Variants in SYT16 observed in about 807,000 individuals in gnomAD.
SYT16 encodes synaptotagmin-16.
A neutral mutation model predicts 61.4 loss-of-function variants in SYT16; 42 were observed. The ratio of observed to expected loss-of-function variants is 0.68; its 90% CI spans 0.53 to 0.89. The LOEUF is 0.89. Among genes scored for constraint, SYT16 ranks in the 40% least tolerant of loss-of-function variants. SYT16 has a pLI of 0.00. For synonymous variants in SYT16, 314 were observed against 302.3 expected (o/e 1.04, Z -0.40); for missense variants, 804 against 807.3 (o/e 1.00, Z 0.05).
At chr14:61,934,930 C>T (rs749417782) in intron 1 of SYT16, among the ~76,000 whole-genome samples, 4 of 152,124 alleles carry the variant, frequency 2.6e-5, no homozygotes, top group Non-Finnish European at 4.4e-5. Context: ...TTATCGTGAA[C>T]TCAGTACAGT....
intron 1 of SYT16, among the ~76,000 whole-genome samples, chr14:61,905,525 G>A (rs2048670235): frequency 6.6e-6 from 1 of 152,210 alleles, no homozygotes; most frequent in African/African-American, 2.4e-5. Context: ...GACCAGTGGA[G>A]TGTGGCTGGA....
Position 61,996,203 on chromosome 14 carries a change from A to G in SYT16, c.184A>G (p.Ile62Val), listed in dbSNP as rs1049986134. 8 of 1,613,476 alleles carry G rather than the reference A, an allele frequency of 5.0e-6. No individual in the cohort carries two copies. The African/African-American group carries it at 1.1e-4, about 22-fold the overall frequency. ...AGATCAGGACTTAGATAATATTCAG[A>G]TTCAGGAAACGTACTTTGAAGATGA... The part of the protein sequence containing the change: ...KLDQDLDNIQ[I>V]QETYFEDEEQ... The change falls in exon 3 of 8, where the codon ATT becomes GTT. Residue 62 changes from isoleucine to valine, a missense_variant. Transcript: ENST00000683842.
intron 1 of SYT16, among the ~76,000 whole-genome samples, chr14:61,815,610 A>C (rs1274462072): frequency 6.6e-6 from 1 of 152,222 alleles, no homozygotes; most frequent in Non-Finnish European, 1.5e-5. Flanking sequence ...CCAATAGAAA[A>C]TGTTCTTATA....
At chr14:61,819,789 G>A (rs112255090) in intron 1 of SYT16, among the ~76,000 whole-genome samples, 10 of 152,172 alleles carry the variant, frequency 6.6e-5, no homozygotes, top group Admixed American at 5.2e-4. Context: ...TGCCTGAGTC[G>A]TGAACTCTGG....
chr14:61,973,904 GAGA>G (rs1207117833), intron 2 of SYT16, among the ~76,000 whole-genome samples: 2 of 152,176 alleles, frequency 1.3e-5, no homozygotes, highest in African/African-American at 4.8e-5. Flanking sequence ...ACCAGACCCT[GAGA>G]AGGAGGACAG....
chr14:62,013,720 C>T (rs939356028), intron 3 of SYT16, among the ~76,000 whole-genome samples: 9 of 152,150 alleles, frequency 5.9e-5, no homozygotes, highest in East Asian at 1.9e-4. Flanking sequence ...AATCCCAGAA[C>T]GTTGGGAGAC....
At chr14:61,839,512 G>A (rs2140249810) in intron 1 of SYT16, among the ~76,000 whole-genome samples, 1 of 152,312 alleles carries the variant, frequency 6.6e-6, no homozygotes, top group Middle Eastern at 3.4e-3. Context: ...ACCTATATGA[G>A]ATGATATTTT....
chr14:61,817,050 G>T (rs896327866), intron 1 of SYT16, among the ~76,000 whole-genome samples: 1 of 149,602 alleles, frequency 6.7e-6, no homozygotes, highest in African/African-American at 2.5e-5. Flanking sequence ...TTTCCCCAAA[G>T]ATTATTTATT....
chr14:61,972,669 T>A (rs2051612432), intron 2 of SYT16, among the ~76,000 whole-genome samples: 1 of 152,242 alleles, frequency 6.6e-6, no homozygotes, highest in Non-Finnish European at 1.5e-5. Context: ...TTTGCCTTAA[T>A]TATCCTCAGA....
chr14:61,843,967 C>A (rs2046370552), intron 1 of SYT16, among the ~76,000 whole-genome samples: 1 of 152,128 alleles, frequency 6.6e-6, no homozygotes, highest in Non-Finnish European at 1.5e-5. Context: ...ATAGGGATTG[C>A]ACTGAATTTG....
intron 1 of SYT16, among the ~76,000 whole-genome samples, chr14:61,937,910 T>C (rs1021608897): frequency 6.6e-6 from 1 of 152,108 alleles, no homozygotes; most frequent in Non-Finnish European, 1.5e-5. Context: ...TGTACAAGTA[T>C]AAGGGTCAAA....
chr14:61,898,717 G>A (rs1198517271), intron 1 of SYT16, among the ~76,000 whole-genome samples: 1 of 152,192 alleles, frequency 6.6e-6, no homozygotes, highest in African/African-American at 2.4e-5. Context: ...ACAGGGGGAT[G>A]TGTGTTGGAA....
chr14:62,090,956 A>G (rs189134909), intron 7 of SYT16, among the ~76,000 whole-genome samples: 1 of 152,304 alleles, frequency 6.6e-6, no homozygotes, highest in Non-Finnish European at 1.5e-5. Flanking sequence ...ATTCACTATC[A>G]TGAGAACAGC....
In SYT16 at chr14:62,101,645, C is replaced by A. The variant is rs748095283; in HGVS notation, c.*938C>A. The stretch of plus-strand genomic sequence containing the variant: ...TGCTCTTTTTAAACTGAGTATTTTC[C>A]ATCACTAGAGCATAGTAAATTGTAC... On this transcript the variant is annotated 3_prime_UTR_variant, in exon 8 of 8. Transcript: ENST00000683842. 1 of 152,030 alleles carries A rather than the reference C, an allele frequency of 6.6e-6. No homozygotes were observed. The highest frequency in any genetic ancestry group is 1.5e-5 in the Non-Finnish European group (1 of 68,016). The allele number at this position is 152,030 out of a possible 1,614,324, so 9.4% of individuals were successfully genotyped here.
At chr14:61,829,169 C>A (rs925954354) in intron 1 of SYT16, among the ~76,000 whole-genome samples, 1 of 152,084 alleles carries the variant, frequency 6.6e-6, no homozygotes, top group Non-Finnish European at 1.5e-5. Context: ...GACTTGTTGG[C>A]ATTCTGCTTG....
intron 3 of SYT16, among the ~76,000 whole-genome samples, chr14:62,029,876 G>T (rs940697256): frequency 6.6e-6 from 1 of 151,994 alleles, no homozygotes; most frequent in African/African-American, 2.4e-5. Context: ...TGATATGTTT[G>T]TGTGTGTTTC....
intron 7 of SYT16, among the ~76,000 whole-genome samples, chr14:62,089,127 G>C (rs995343704): frequency 1.3e-5 from 2 of 151,976 alleles, no homozygotes; most frequent in African/African-American, 4.8e-5. Flanking sequence ...AGACCAGCCT[G>C]GTCAAAATGG....
At chr14:61,894,763 A>G (rs560834437) in intron 1 of SYT16, among the ~76,000 whole-genome samples, 1 of 152,286 alleles carries the variant, frequency 6.6e-6, no homozygotes, top group East Asian at 1.9e-4. Context: ...GGGATGACAA[A>G]TCTTCCCTGT....
At chr14:61,836,512 C>T (rs1462749391) in intron 1 of SYT16, among the ~76,000 whole-genome samples, 1 of 152,222 alleles carries the variant, frequency 6.6e-6, no homozygotes, top group Non-Finnish European at 1.5e-5. Flanking sequence ...CTTCTGAAAT[C>T]CTGTAGCCAT....
Sources: allele counts gnomAD v4.1 joint callset (sites outside exome capture counted in the v4.1 genomes callset), GRCh38; gene constraint gnomAD v4.1.1; transcripts MANE v1.5; gene names NCBI Gene and HGNC (gene_info 2026-07-23, HGNC 2026-07-21).